GRAMD1B: variants seen among roughly 807,000 people sequenced by gnomAD.
GRAMD1B encodes the protein GRAM domain containing 1B, also known as protein Aster-B.
A neutral mutation model predicts 99.7 loss-of-function variants in GRAMD1B; 37 were observed. That is an observed-to-expected ratio of 0.37 (90% CI 0.29 to 0.49). The LOEUF (loss-of-function observed/expected upper bound fraction) is 0.49. Ranked by LOEUF, GRAMD1B falls within the 20% of genes least tolerant of loss-of-function variation. GRAMD1B has a pLI of 0.98. For missense variants in GRAMD1B, 888 were observed against 1,009.2 expected (o/e 0.88, Z 1.63); for synonymous variants, 427 against 387.6 (o/e 1.10, Z -1.19).
chr11:123,408,490 T>C (rs895320273), intron 1 of GRAMD1B, among the ~76,000 whole-genome samples: 15 of 152,240 alleles, frequency 9.9e-5, no homozygotes, highest in Non-Finnish European at 1.0e-4. Flanking sequence ...CAGAATTCTA[T>C]TTTATTTTTC....
chr11:123,486,805 C>T (rs1002447963), intron 2 of GRAMD1B, among the ~76,000 whole-genome samples: 2 of 152,142 alleles, frequency 1.3e-5, no homozygotes, highest in Non-Finnish European at 2.9e-5. Flanking sequence ...TGTGGTGGCT[C>T]ATGCCTGTAA....
intron 2 of GRAMD1B, among the ~76,000 whole-genome samples, chr11:123,570,663 ATCTGCCTGCC>A (rs1947977973): frequency 6.6e-6 from 1 of 152,014 alleles, no homozygotes; most frequent in Non-Finnish European, 1.5e-5. Flanking sequence ...ATCTCAAGTG[ATCTGCCTGCC>A]TCAGCCTCCC....
chr11:123,552,843 C>CA (rs1418783139), intron 2 of GRAMD1B, among the ~76,000 whole-genome samples: 1 of 152,134 alleles, frequency 6.6e-6, no homozygotes, highest in Non-Finnish European at 1.5e-5. Flanking sequence ...CAAGGCCTGG[C>CA]AATACCTTCT....
At position 123,483,212 on chromosome 11, in the gene GRAMD1B, TGA is replaced by T. The variant is rs568862630; in HGVS notation, c.452+2322_452+2323del. Among the ~76,000 whole-genome samples, 20 of 152,244 alleles carry T rather than the reference TGA, an allele frequency of 1.3e-4. No homozygotes were observed. In the South Asian group the frequency reaches 4.1e-3, roughly 32 times the overall value. On this transcript the variant is annotated intron_variant, in intron 2 of 19. Transcript: ENST00000635736. ...GCTGTACTAGCTTGGATTTTCTATC[TGA>T]GAACTGAGAACGAAGTGACTAACGG...
chr11:123,422,692 C>T (rs532343964), intron 1 of GRAMD1B, among the ~76,000 whole-genome samples: 17 of 152,306 alleles, frequency 1.1e-4, no homozygotes, highest in South Asian at 6.2e-4. Context: ...GGCCGAGAAG[C>T]GATCAAACCA....
chr11:123,542,144 A>G (rs1303476140), intron 2 of GRAMD1B, among the ~76,000 whole-genome samples: 1 of 152,204 alleles, frequency 6.6e-6, no homozygotes, highest in Non-Finnish European at 1.5e-5. Flanking sequence ...GGACTAAATC[A>G]GTTTGTAAAT....
intron 2 of GRAMD1B, among the ~76,000 whole-genome samples, chr11:123,538,629 AT>A (rs369485832): frequency 2.0e-5 from 3 of 149,658 alleles, no homozygotes; most frequent in South Asian, 2.1e-4. Context: ...ATTTTATTTT[AT>A]TTTTTTTTGA....
chr11:123,620,437 G>A (rs1157995161), intron 19 of GRAMD1B, among the ~76,000 whole-genome samples: 1 of 54,366 alleles, frequency 1.8e-5, no homozygotes, highest in Non-Finnish European at 4.2e-5. Flanking sequence ...TAGTGCCACT[G>A]CACTCCAGCC....
intron 1 of GRAMD1B, among the ~76,000 whole-genome samples, chr11:123,468,447 G>T (rs1218374292): frequency 6.6e-6 from 1 of 152,066 alleles, no homozygotes; most frequent in Non-Finnish European, 1.5e-5. Flanking sequence ...GAAGGTTTAG[G>T]GAAATGAATC....
At chr11:123,461,909 A>C (rs1348202078) in intron 1 of GRAMD1B, among the ~76,000 whole-genome samples, 1 of 143,282 alleles carries the variant, frequency 7.0e-6, no homozygotes, top group Non-Finnish European at 1.5e-5. Context: ...CCCGGCCAAG[A>C]TAGCTCTACT....
At chr11:123,450,125 A>G (rs1949821725) in intron 1 of GRAMD1B, among the ~76,000 whole-genome samples, 1 of 152,206 alleles carries the variant, frequency 6.6e-6, no homozygotes, top group Admixed American at 6.5e-5. Flanking sequence ...TCCAGAGAGC[A>G]CAAGCACATT....
At chr11:123,478,914 T>C (rs1565533472) in intron 1 of GRAMD1B, among the ~76,000 whole-genome samples, 1 of 152,204 alleles carries the variant, frequency 6.6e-6, no homozygotes. Context: ...CTGCCTACTG[T>C]GGAGTAACAC....
intron 4 of GRAMD1B, among the ~76,000 whole-genome samples, chr11:123,586,138 G>A (rs1299900938): frequency 1.3e-5 from 2 of 152,146 alleles, no homozygotes; most frequent in Non-Finnish European, 1.5e-5. Flanking sequence ...ATAGCGATGG[G>A]GTAGAAGCAG....
At chr11:123,379,855 T>C (rs978652089) in intron 1 of GRAMD1B, among the ~76,000 whole-genome samples, 25 of 152,244 alleles carry the variant, frequency 1.6e-4, no homozygotes, top group African/African-American at 6.0e-4. Context: ...GCACTTGTTA[T>C]CATCTGTCTT....
chr11:123,594,284 G>A (rs575773651), intron 5 of GRAMD1B, 118 bp downstream of exon 5: 1 of 736,982 alleles, frequency 1.4e-6, no homozygotes, highest in African/African-American at 1.7e-5. Flanking sequence ...GGAACAGGGA[G>A]AGAGGCTGTC....
chr11:123,367,325 G>C (rs1318486321), intron 1 of GRAMD1B, among the ~76,000 whole-genome samples: 3 of 152,190 alleles, frequency 2.0e-5, no homozygotes, highest in African/African-American at 7.2e-5. Context: ...AGAAGAGTCA[G>C]ACACCTTGTT....
chr11:123,584,240 C>A, intron 3 of GRAMD1B, 72 bp from the exon 4 acceptor site: 1 of 808,088 alleles, frequency 1.2e-6, no homozygotes, highest in Non-Finnish European at 2.1e-6. Flanking sequence ...TGTCTGTGTG[C>A]CCTTCCCCCT....
At chr11:123,513,601 C>CTCTTTCTTT (rs1591772451) in intron 2 of GRAMD1B, among the ~76,000 whole-genome samples, 8 of 37,380 alleles carry the variant, frequency 2.1e-4, no homozygotes, top group African/African-American at 5.5e-4. Context: ...TTCCTTCCTT[C>CTCTTTCTTT]CTTCCTTCCT....
intron 12 of GRAMD1B, 74 bp downstream of exon 12, chr11:123,608,876 C>T: frequency 2.0e-6 from 2 of 1,008,080 alleles, no homozygotes; most frequent in Middle Eastern, 3.2e-4. Context: ...CATTTGCTTC[C>T]TTCCCTTCCT....
Sources: gnomAD v4.1 joint callset for allele counts (sites outside exome capture counted in the v4.1 genomes callset) on GRCh38, gnomAD v4.1.1 for gene constraint, MANE v1.5 for transcripts, NCBI Gene and HGNC (gene_info 2026-07-23, HGNC 2026-07-21) for gene names.